Variants in LUZP2 observed in about 807,000 individuals in gnomAD.
The protein encoded by LUZP2 is leucine zipper protein 2.
Under a neutral mutation model 51.6 loss-of-function variants are expected in LUZP2, and 52 were observed. That is an observed-to-expected ratio of 1.01 (90% CI 0.81 to 1.27). LUZP2 has a LOEUF of 1.27. Ranked by LOEUF, LUZP2 falls within the 50% of genes most tolerant of loss-of-function variation. LUZP2 has a pLI of 0.00. For missense variants in LUZP2, 436 were observed against 395.4 expected (o/e 1.10, Z -0.87); for synonymous variants, 154 against 137.3 (o/e 1.12, Z -0.85).
At chr11:25,065,471 C>T (rs544164023) in intron 10 of LUZP2, among the ~76,000 whole-genome samples, 1 of 152,034 alleles carries the variant, frequency 6.6e-6, no homozygotes, top group East Asian at 1.9e-4. Flanking sequence ...ACTTGTTCCT[C>T]ATTTTAAAAA....
chr11:24,585,297 C>G (rs906883), intron 1 of LUZP2, among the ~76,000 whole-genome samples: 1 of 152,074 alleles, frequency 6.6e-6, no homozygotes, highest in African/African-American at 2.4e-5. Flanking sequence ...TGAAAAAGTT[C>G]TCAAGCATAC....
At chr11:24,983,082 G>A (rs1195610395) in intron 8 of LUZP2, 44 bp from the exon 9 acceptor site, 3 of 1,586,246 alleles carry the variant, frequency 1.9e-6, no homozygotes, top group Non-Finnish European at 2.6e-6. Context: ...GATAATTGAT[G>A]AGCATAGCTA....
intron 5 of LUZP2, among the ~76,000 whole-genome samples, chr11:24,817,845 C>T (rs2134150585): frequency 6.6e-6 from 1 of 151,874 alleles, no homozygotes; most frequent in Non-Finnish European, 1.5e-5. Flanking sequence ...TTTCTCTTTC[C>T]CAGGGGTAGC....
chr11:24,555,802 C>G lies in LUZP2; in HGVS notation c.62+58497C>G, dbSNP rs549915178. On this transcript the variant is annotated intron_variant, in intron 1 of 11. Coordinates refer to ENST00000336930, the MANE Select transcript of LUZP2 (RefSeq NM_001009909.4). ...CCAGCTTGGGCAACATAGTGAGACCCTTTCTCTACAAATAAAGAATAAAAA... is the reference window on the plus strand; with the variant it reads ...CCAGCTTGGGCAACATAGTGAGACCGTTTCTCTACAAATAAAGAATAAAAA... 7.9e-5 allele frequency among the ~76,000 whole-genome samples: 12 copies of G among 152,218 alleles called. No individual in the cohort carries two copies. The South Asian group carries it at 2.5e-3, about 32-fold the overall frequency.
intron 5 of LUZP2, among the ~76,000 whole-genome samples, chr11:24,811,032 G>C (rs1167566585): frequency 6.6e-6 from 1 of 152,134 alleles, no homozygotes; most frequent in Non-Finnish European, 1.5e-5. Context: ...TGAGGTTACA[G>C]AAAATAAGAA....
intron 9 of LUZP2, among the ~76,000 whole-genome samples, chr11:25,041,512 C>T (rs557526643): frequency 6.6e-6 from 1 of 152,160 alleles, no homozygotes; most frequent in African/African-American, 2.4e-5. Context: ...TAAAATCCAT[C>T]TCATTCTGTT....
At chr11:24,783,204 C>G (rs1849141260) in intron 5 of LUZP2, among the ~76,000 whole-genome samples, 1 of 152,072 alleles carries the variant, frequency 6.6e-6, no homozygotes, top group South Asian at 2.1e-4. Flanking sequence ...ATAAACTTCT[C>G]TTTGTATTCT....
intron 5 of LUZP2, among the ~76,000 whole-genome samples, chr11:24,822,407 G>T (rs1850387840): frequency 6.6e-6 from 1 of 151,998 alleles, no homozygotes; most frequent in Non-Finnish European, 1.5e-5. Flanking sequence ...ATCCTTTTGT[G>T]ACGTATTCTC....
chr11:24,977,748 C>G (rs1855918249), intron 8 of LUZP2, among the ~76,000 whole-genome samples: 1 of 151,600 alleles, frequency 6.6e-6, no homozygotes. Context: ...TATATATACA[C>G]TATGTTTAAC....
intron 1 of LUZP2, among the ~76,000 whole-genome samples, chr11:24,718,999 A>G (rs537824850): frequency 2.1e-4 from 32 of 152,348 alleles, no homozygotes; most frequent in Admixed American, 9.8e-4. Flanking sequence ...TTAACTGAGC[A>G]CAGGGTATAT....
intron 1 of LUZP2, among the ~76,000 whole-genome samples, chr11:24,705,161 A>C (rs999505333): frequency 2.0e-5 from 3 of 152,092 alleles, no homozygotes; most frequent in African/African-American, 7.2e-5. Context: ...AAGATAGTAA[A>C]GTTTTTTAAA....
rs151120991 is a variant in LUZP2, at chr11:24,630,449, T to G, written c.63-98720T>G. 4.3e-4 allele frequency among the ~76,000 whole-genome samples: 65 copies of G among 152,156 alleles called. 1 individual carries two copies. The highest frequency in any genetic ancestry group is 9.0e-4 in the Non-Finnish European group (61 of 67,920). On this transcript the variant is annotated intron_variant, in intron 1 of 11. Coordinates refer to ENST00000336930, the MANE Select transcript of LUZP2 (RefSeq NM_001009909.4). ...AGCACCATTTATTACAAAGGGTGTC[T>G]TTTCTACAATGTATGTTCTTGTGGA...
chr11:24,968,983 A>G (rs568870710), intron 7 of LUZP2, among the ~76,000 whole-genome samples: 1 of 152,298 alleles, frequency 6.6e-6, no homozygotes, highest in East Asian at 1.9e-4. Flanking sequence ...ACATGTCTAG[A>G]AGCAGATAAT....
intron 5 of LUZP2, among the ~76,000 whole-genome samples, chr11:24,772,626 A>T (rs1848778184): frequency 1.3e-5 from 2 of 152,286 alleles, no homozygotes; most frequent in African/African-American, 4.8e-5. Flanking sequence ...TATCCATATA[A>T]GGTTCTAAGG....
intron 9 of LUZP2, among the ~76,000 whole-genome samples, chr11:24,983,596 T>C (rs541449922): frequency 2.6e-5 from 4 of 151,842 alleles, no homozygotes; most frequent in South Asian, 2.1e-4. Flanking sequence ...TTGTATTACA[T>C]TGAAATAAAC....
At chr11:24,637,794 G>A (rs1201452119) in intron 1 of LUZP2, among the ~76,000 whole-genome samples, 1 of 151,822 alleles carries the variant, frequency 6.6e-6, no homozygotes, top group Non-Finnish European at 1.5e-5. Context: ...TCAAGACAAT[G>A]AGTGCACAGA....
At chr11:24,901,288 G>A (rs901311597) in intron 5 of LUZP2, among the ~76,000 whole-genome samples, 2 of 151,776 alleles carry the variant, frequency 1.3e-5, no homozygotes, top group Non-Finnish European at 1.5e-5. Context: ...TTTGACAAAG[G>A]CACTTAGATA....
chr11:24,553,850 A>C (rs1166037981), intron 1 of LUZP2, among the ~76,000 whole-genome samples: 3 of 152,156 alleles, frequency 2.0e-5, no homozygotes, highest in Non-Finnish European at 4.4e-5. Flanking sequence ...CTTAGTGGCA[A>C]CTTCACTATT....
At chr11:24,683,957 G>A (rs373929020) in intron 1 of LUZP2, among the ~76,000 whole-genome samples, 2 of 151,828 alleles carry the variant, frequency 1.3e-5, no homozygotes, top group East Asian at 1.9e-4. Context: ...GATCTCGGGG[G>A]ACAGACTCAC....
Sources: allele counts gnomAD v4.1 joint callset (sites outside exome capture counted in the v4.1 genomes callset), GRCh38; gene constraint gnomAD v4.1.1; transcripts MANE v1.5; gene names NCBI Gene and HGNC (gene_info 2026-07-23, HGNC 2026-07-21).